Variants in KIF16B observed in about 807,000 individuals in gnomAD.
KIF16B encodes the protein kinesin family member 16B.
In KIF16B, 98 loss-of-function variants were observed where a neutral mutation model predicts 156.3. The observed-to-expected ratio is 0.63, with a 90% CI of 0.53 to 0.74. The LOEUF (loss-of-function observed/expected upper bound fraction) is 0.74. KIF16B is among the 30% of genes least tolerant of loss of function. KIF16B has a pLI of 0.00. For missense variants in KIF16B, 1,421 were observed against 1,606.5 expected (o/e 0.88, Z 1.97); for synonymous variants, 564 against 583.7 (o/e 0.97, Z 0.49).
chr20:16,379,615 C>T lies in KIF16B; in HGVS notation c.2387G>A (p.Gly796Asp), dbSNP rs139259513. Residue 796 changes from glycine (G) to aspartate (D), a missense_variant, in exon 19 of 26, where the codon GGC (glycine) becomes GAC (aspartate). Transcript: ENST00000354981. ...WVEEEKRDLE[G>D]IRESLLRVKE... ...CACCCGCAGGAGGGATTCCCGAATG[C>T]CTTCCAGGTCCCTCTTCTCCTCTTC... 1.9e-6 allele frequency: 3 copies of T among 1,614,020 alleles called. No individual in the cohort carries two copies. Among genetic ancestry groups the T allele is most frequent in the African/African-American group, 2.7e-5 (2 of 74,922 alleles).
At chr20:16,367,570 G>A (rs763423309) in intron 22 of KIF16B, 1 of 1,612,910 alleles carries the variant, frequency 6.2e-7, no homozygotes, top group Admixed American at 1.7e-5. Context: ...GACTTTCACT[G>A]TTGTGTAGAG....
At chr20:16,475,717 T>G (rs529519010) in intron 12 of KIF16B, among the ~76,000 whole-genome samples, 1 of 152,272 alleles carries the variant, frequency 6.6e-6, no homozygotes, top group South Asian at 2.1e-4. Flanking sequence ...GAAGAAATGA[T>G]ATTACAAGAA....
chr20:16,352,331 A>C (rs1444414029), intron 23 of KIF16B, among the ~76,000 whole-genome samples: 1 of 152,246 alleles, frequency 6.6e-6, no homozygotes, highest in Non-Finnish European at 1.5e-5. Context: ...GTCTACTTAT[A>C]TATCCTCAGT....
chr20:16,321,088 T>G (rs2063765831), intron 24 of KIF16B, among the ~76,000 whole-genome samples: 1 of 152,170 alleles, frequency 6.6e-6, no homozygotes, highest in Admixed American at 6.6e-5. Flanking sequence ...TTTTCCCTAT[T>G]CTTCGATTTT....
At chr20:16,398,532 C>T (rs2065570697) in intron 17 of KIF16B, among the ~76,000 whole-genome samples, 1 of 152,198 alleles carries the variant, frequency 6.6e-6, no homozygotes, top group Admixed American at 6.5e-5. Context: ...TCAGGAATCA[C>T]AGTGGTAACC....
intron 25 of KIF16B, among the ~76,000 whole-genome samples, chr20:16,284,961 A>G (rs6034439): frequency 0.052 from 7,992 of 152,262 alleles, 267 homozygotes; most frequent in African/African-American, 0.1. Context: ...TGTGCCCAGT[A>G]CGAAGCATCC....
At chr20:16,402,205 A>C (rs2065673608) in intron 17 of KIF16B, among the ~76,000 whole-genome samples, 1 of 152,178 alleles carries the variant, frequency 6.6e-6, no homozygotes, top group Admixed American at 6.5e-5. Flanking sequence ...TCTCCATACA[A>C]GTCTTAGACC....
intron 19 of KIF16B, among the ~76,000 whole-genome samples, chr20:16,376,343 A>G (rs1300716621): frequency 1.3e-5 from 2 of 152,174 alleles, no homozygotes; most frequent in African/African-American, 4.8e-5. Flanking sequence ...AAATGGATTA[A>G]ACCTGGTTCA....
At chr20:16,297,552 T>C (rs186955961) in intron 25 of KIF16B, among the ~76,000 whole-genome samples, 215 of 151,892 alleles carry the variant, frequency 1.4e-3, no homozygotes, top group African/African-American at 4.9e-3. Context: ...AAAAATTAGC[T>C]GGGCGTGGTG....
At chr20:16,276,318 T>C (rs1374973066) in intron 25 of KIF16B, among the ~76,000 whole-genome samples, 2 of 152,200 alleles carry the variant, frequency 1.3e-5, no homozygotes, top group Non-Finnish European at 2.9e-5. Context: ...GAGGAAGTAT[T>C]TGAGACACCT....
chr20:16,562,248 T>C (rs1028574546), intron 1 of KIF16B, among the ~76,000 whole-genome samples: 2 of 152,176 alleles, frequency 1.3e-5, no homozygotes, highest in East Asian at 1.9e-4. Context: ...TGTTGTACCA[T>C]AGTGCTGTAC....
intron 15 of KIF16B, among the ~76,000 whole-genome samples, chr20:16,410,547 TAG>T (rs1168254444): frequency 2.0e-5 from 3 of 151,988 alleles, no homozygotes; most frequent in African/African-American, 7.2e-5. Context: ...TATACACTTA[TAG>T]AGAGTCCTGA....
intron 12 of KIF16B, among the ~76,000 whole-genome samples, chr20:16,459,280 A>G (rs1323660295): frequency 6.6e-6 from 1 of 152,250 alleles, no homozygotes; most frequent in East Asian, 1.9e-4. Flanking sequence ...GGGAGATAAT[A>G]CTTGCATAAA....
intron 25 of KIF16B, among the ~76,000 whole-genome samples, chr20:16,300,354 T>C (rs1028012973): frequency 2.6e-5 from 4 of 152,176 alleles, no homozygotes; most frequent in Non-Finnish European, 5.9e-5. Flanking sequence ...AAAATACATA[T>C]GAAAAACATA....
At chr20:16,321,492 T>C (rs565756735) in intron 24 of KIF16B, among the ~76,000 whole-genome samples, 54 of 152,198 alleles carry the variant, frequency 3.5e-4, no homozygotes, top group African/African-American at 9.9e-4. Context: ...AATGAAGAAA[T>C]TGAACCAAGA....
chr20:16,478,013 T>A (rs2067867663), intron 12 of KIF16B, among the ~76,000 whole-genome samples: 1 of 152,134 alleles, frequency 6.6e-6, no homozygotes. Context: ...GATGGGCATC[T>A]GCGACAAGTG....
chr20:16,304,516 T>C (rs112271398), intron 25 of KIF16B, among the ~76,000 whole-genome samples: 1 of 152,090 alleles, frequency 6.6e-6, no homozygotes, highest in African/African-American at 2.4e-5. Context: ...ATAGTGGTAA[T>C]GGACTAATAA....
At chr20:16,363,278 A>T (rs907455786) in intron 22 of KIF16B, among the ~76,000 whole-genome samples, 1 of 152,210 alleles carries the variant, frequency 6.6e-6, no homozygotes, top group South Asian at 2.1e-4. Context: ...GCAGCTCCCA[A>T]TGAAAAAACT....
At chr20:16,555,077 G>A (rs956585355) in intron 1 of KIF16B, among the ~76,000 whole-genome samples, 13 of 152,312 alleles carry the variant, frequency 8.5e-5, no homozygotes, top group African/African-American at 3.1e-4. Flanking sequence ...CAAAACTTGG[G>A]CAAAGGTGCC....
Sources: gnomAD v4.1 joint callset for allele counts (sites outside exome capture counted in the v4.1 genomes callset) on GRCh38, gnomAD v4.1.1 for gene constraint, MANE v1.5 for transcripts, NCBI Gene and HGNC (gene_info 2026-07-23, HGNC 2026-07-21) for gene names.